Variants in DNAI7 observed in about 807,000 individuals in gnomAD.
The protein encoded by DNAI7 is dynein axonemal intermediate chain 7, also known as cancer susceptibility 1.
DNAI7 carries 78 observed loss-of-function variants against 86.6 expected under a neutral mutation model. The observed-to-expected ratio is 0.90, with a 90% CI of 0.75 to 1.09. The LOEUF (loss-of-function observed/expected upper bound fraction) is 1.09. Ranked by LOEUF, DNAI7 falls within the 50% of genes least tolerant of loss-of-function variation. The pLI, the probability that DNAI7 is intolerant of heterozygous loss-of-function variation, is 0.00. For missense variants in DNAI7, 753 were observed against 810.2 expected, an observed-to-expected ratio of 0.93 and a Z score of 0.86; for synonymous variants, 274 against 273.0, an observed-to-expected ratio of 1.00 and a Z score of -0.04.
intron 7 of DNAI7, among the ~76,000 whole-genome samples, chr12:25,148,805 A>T (rs1406077946): frequency 1.3e-5 from 2 of 152,104 alleles, no homozygotes. Context: ...CCTTTCATAC[A>T]ATGTCATTAG....
intron 4 of DNAI7, among the ~76,000 whole-genome samples, chr12:25,158,145 C>T (rs570039424): frequency 3.3e-5 from 5 of 152,052 alleles, no homozygotes; most frequent in South Asian, 4.2e-4. Flanking sequence ...AGGAGAATGG[C>T]GTGAACCCAG....
At chr12:25,175,972 C>G (rs934807917) in intron 2 of DNAI7, among the ~76,000 whole-genome samples, 2 of 151,684 alleles carry the variant, frequency 1.3e-5, no homozygotes, top group African/African-American at 4.8e-5. Flanking sequence ...CCCAGCTACT[C>G]GGGAGGCTGA....
intron 7 of DNAI7, among the ~76,000 whole-genome samples, chr12:25,147,922 T>C (rs1945075792): frequency 6.6e-6 from 1 of 152,168 alleles, no homozygotes; most frequent in Non-Finnish European, 1.5e-5. Context: ...TATCCAATAT[T>C]AACCATAAAA....
chr12:25,191,208 T>C (rs1307195097), intron 1 of DNAI7, among the ~76,000 whole-genome samples: 1 of 150,330 alleles, frequency 6.7e-6, no homozygotes, highest in East Asian at 2.0e-4. Context: ...AACCCAAGAG[T>C]TCAAGATCAG....
chr12:25,116,387 A>G (rs1242714901), intron 12 of DNAI7, among the ~76,000 whole-genome samples: 1 of 152,188 alleles, frequency 6.6e-6, no homozygotes, highest in East Asian at 1.9e-4. Flanking sequence ...ATGTTTCCCC[A>G]TGGTTTAAAA....
In DNAI7 at chr12:25,115,976, C is replaced by T. The variant is rs1306518650; in HGVS notation, c.1397-1106G>A. Among the ~76,000 whole-genome samples the T allele has an allele frequency of 2.0e-5, 3 of 152,188 alleles. No individual in the cohort carries two copies. In the East Asian group the frequency reaches 5.8e-4, roughly 29 times the overall value. Reference sequence around the variant, plus strand: ...CTATAGCACTTTACATCTATGCTAGCACCCTACTATGTTGTATCACAATGT... The same window carrying T: ...CTATAGCACTTTACATCTATGCTAGTACCCTACTATGTTGTATCACAATGT... On this transcript the variant is annotated intron_variant, in intron 12 of 15. Transcript: ENST00000395987.
At chr12:25,124,083 G>A (rs1320844817) in intron 9 of DNAI7, among the ~76,000 whole-genome samples, 1 of 122,448 alleles carries the variant, frequency 8.2e-6, no homozygotes, top group Admixed American at 9.3e-5. Context: ...CAAATTGAAT[G>A]ACATCCAGCA....
At chr12:25,193,375 C>A (rs921064955) in intron 1 of DNAI7, among the ~76,000 whole-genome samples, 1 of 152,022 alleles carries the variant, frequency 6.6e-6, no homozygotes, top group African/African-American at 2.4e-5. Context: ...GTTTTGTTGC[C>A]ACAAACCAAG....
chr12:25,115,921 C>T (rs1939986438), intron 12 of DNAI7, among the ~76,000 whole-genome samples: 1 of 152,186 alleles, frequency 6.6e-6, no homozygotes, highest in Non-Finnish European at 1.5e-5. Context: ...CCTTCCAATA[C>T]TCTAAAGATT....
Position 25,163,365 on chromosome 12 carries a change from G to A in DNAI7, c.22-2168C>T, listed in dbSNP as rs549622923. Among the ~76,000 whole-genome samples, 8 of 152,122 alleles carry A rather than the reference G, an allele frequency of 5.3e-5. No homozygotes were observed. The South Asian group carries it at 1.2e-3, about 24-fold the overall frequency. ...GCCTTAACTGATGACATTATCTTGT[G>A]AAATTCCTTCTCCTGGCTCATCCTG... On this transcript the variant is annotated intron_variant, in intron 2 of 15. Transcript: ENST00000395987.
At chr12:25,113,255 A>T (rs1414368771) in intron 13 of DNAI7, among the ~76,000 whole-genome samples, 1 of 150,442 alleles carries the variant, frequency 6.6e-6, no homozygotes, top group Non-Finnish European at 1.5e-5. Context: ...TCCATCTCCC[A>T]TCTCACCTAG....
At chr12:25,144,285 A>T in intron 9 of DNAI7, 80 bp downstream of exon 9, 2 of 1,231,398 alleles carry the variant, frequency 1.6e-6, no homozygotes, top group Non-Finnish European at 1.1e-6. Context: ...TGTTTAGGAA[A>T]AATCTTGAGA....
intron 2 of DNAI7, among the ~76,000 whole-genome samples, chr12:25,180,893 G>A (rs774600994): frequency 5.3e-5 from 8 of 151,944 alleles, no homozygotes; most frequent in Non-Finnish European, 1.2e-4. Flanking sequence ...TGCAACCTCT[G>A]CCTCCCGGGT....
intron 9 of DNAI7, among the ~76,000 whole-genome samples, chr12:25,131,342 T>C (rs1295693053): frequency 6.6e-6 from 1 of 152,166 alleles, no homozygotes; most frequent in African/African-American, 2.4e-5. Flanking sequence ...CACACACAAA[T>C]TGTGTTATGA....
chr12:25,132,506 C>A (rs1253831443), intron 9 of DNAI7, among the ~76,000 whole-genome samples: 1 of 140,606 alleles, frequency 7.1e-6, no homozygotes, highest in African/African-American at 3.2e-5. Flanking sequence ...GGATACTTTA[C>A]AATTATTTTA....
intron 2 of DNAI7, among the ~76,000 whole-genome samples, chr12:25,178,756 T>C (rs1949221605): frequency 6.6e-6 from 1 of 152,132 alleles, no homozygotes. Flanking sequence ...AAATCACAAT[T>C]CTAAATACAG....
intron 13 of DNAI7, among the ~76,000 whole-genome samples, chr12:25,112,760 T>C (rs560771341): frequency 1.7e-4 from 26 of 152,190 alleles, no homozygotes; most frequent in Non-Finnish European, 3.4e-4. Flanking sequence ...ACCCAATATA[T>C]CTAAAATATT....
chr12:25,190,983 G>A (rs1030245388), intron 1 of DNAI7, among the ~76,000 whole-genome samples: 2 of 152,126 alleles, frequency 1.3e-5, no homozygotes, highest in African/African-American at 4.8e-5. Context: ...CTAGTTTAAA[G>A]GGTTCAAAGG....
At position 25,182,522 on chromosome 12, in the gene DNAI7, T is replaced by C. The variant is rs573580673; in HGVS notation, c.21+8092A>G. ...AGCTACTCAGGCTGAGGTGGGAGGA[T>C]TGCTTGAGCCTGGGAGGTCGAGGCT... On this transcript the variant is annotated intron_variant, in intron 2 of 15. Coordinates refer to ENST00000395987, the MANE Select transcript of DNAI7 (RefSeq NM_018272.5). 5.3e-5 allele frequency among the ~76,000 whole-genome samples: 8 copies of C among 151,052 alleles called. No individual in the cohort carries two copies. In the South Asian group the frequency reaches 1.7e-3, roughly 32 times the overall value.
Sources: gnomAD v4.1 joint callset for allele counts (sites outside exome capture counted in the v4.1 genomes callset) on GRCh38, gnomAD v4.1.1 for gene constraint, MANE v1.5 for transcripts, NCBI Gene and HGNC (gene_info 2026-07-23, HGNC 2026-07-21) for gene names.